Variants in PPARGC1A observed in about 807,000 individuals in gnomAD.
The protein encoded by PPARGC1A is peroxisome proliferator-activated receptor gamma coactivator 1-alpha.
Under a neutral mutation model 88.7 loss-of-function variants are expected in PPARGC1A, and 25 were observed. The observed-to-expected ratio is 0.28, with a 90% CI of 0.21 to 0.39. The LOEUF (loss-of-function observed/expected upper bound fraction) is 0.39. PPARGC1A is among the 10% of genes least tolerant of loss of function. The pLI, the probability that PPARGC1A is intolerant of heterozygous loss-of-function variation, is 1.00. For missense variants in PPARGC1A, 880 were observed against 968.7 expected, an observed-to-expected ratio of 0.91 and a Z score of 1.22; for synonymous variants, 363 against 355.6, an observed-to-expected ratio of 1.02 and a Z score of -0.24.
chr4:24,077,627 GTGT>G, the PPARGC1A span, among the ~76,000 whole-genome samples: 48 of 22,168 alleles, frequency 2.2e-3, no homozygotes, highest in South Asian at 8.4e-3. Flanking sequence ...GTCTAGGGGT[GTGT>G]GTGTGTGTGT....
At chr4:24,161,111 T>A in the PPARGC1A span, among the ~76,000 whole-genome samples, 1 of 152,208 alleles carries the variant, frequency 6.6e-6, no homozygotes, top group East Asian at 1.9e-4. Context: ...TACTGACTGG[T>A]CCTAAATAAG....
chr4:24,439,606 AGCAACT>A, the PPARGC1A span, among the ~76,000 whole-genome samples: 1 of 152,242 alleles, frequency 6.6e-6, no homozygotes, highest in Admixed American at 6.5e-5. Context: ...GGGTACTACC[AGCAACT>A]GCTTTCACGT....
At chr4:23,910,222 A>AATATAGTATATATAATATATATAAAT in the PPARGC1A span, among the ~76,000 whole-genome samples, 1 of 87,858 alleles carries the variant, frequency 1.1e-5, no homozygotes, top group Non-Finnish European at 2.3e-5. Context: ...TATAATATAT[A>AATATAGTATATATAATATATATAAAT]ATATATTATA....
At chr4:23,797,265 A>G (rs1717777065) in intron 12 of PPARGC1A, among the ~76,000 whole-genome samples, 1 of 152,152 alleles carries the variant, frequency 6.6e-6, no homozygotes, top group South Asian at 2.1e-4. Flanking sequence ...ACTGGCTTCA[A>G]CGCTTCTCTT....
In PPARGC1A at chr4:23,796,789, G is replaced by A. The variant is rs61522733; in HGVS notation, c.2294-864C>T. On this transcript the variant is annotated intron_variant, in intron 12 of 12. Coordinates refer to ENST00000264867, the MANE Select transcript of PPARGC1A (RefSeq NM_013261.5). ...ATAATAAAAAGCCTCTTATAAATAC[G>A]TTAATTCTTTTGAAAACATTTATTT... Among the ~76,000 whole-genome samples, 1,206 of 152,036 alleles carry A rather than the reference G, an allele frequency of 7.9e-3. 17 individuals are homozygous for A. Among genetic ancestry groups the A allele is most frequent in the African/African-American group, 0.027 (1,127 of 41,466 alleles).
the PPARGC1A span, among the ~76,000 whole-genome samples, chr4:23,947,788 G>A: frequency 6.6e-6 from 1 of 152,070 alleles, no homozygotes; most frequent in African/African-American, 2.4e-5. Context: ...GTTAGAGCAG[G>A]CTTGCAGAGA....
chr4:23,828,868 C>T (rs1031026309), intron 4 of PPARGC1A, among the ~76,000 whole-genome samples: 3 of 152,130 alleles, frequency 2.0e-5, no homozygotes, highest in African/African-American at 7.2e-5. Flanking sequence ...GACCCTACAG[C>T]GCCTTTATTG....
the PPARGC1A span, among the ~76,000 whole-genome samples, chr4:23,980,917 T>C: frequency 6.6e-6 from 1 of 152,190 alleles, no homozygotes; most frequent in African/African-American, 2.4e-5. Flanking sequence ...GAGGTATGAA[T>C]GCATAAGGTC....
At chr4:24,122,442 G>T in the PPARGC1A span, among the ~76,000 whole-genome samples, 1,668 of 148,426 alleles carry the variant, frequency 0.011, 11 homozygotes, top group Middle Eastern at 0.02. Flanking sequence ...TATATAGAGA[G>T]AGAGAGAGAG....
chr4:24,395,510 T>C, the PPARGC1A span, among the ~76,000 whole-genome samples: 1 of 152,178 alleles, frequency 6.6e-6, no homozygotes, highest in Non-Finnish European at 1.5e-5. Context: ...CTCCATGAGA[T>C]TTTCTGTTCC....
the PPARGC1A span, among the ~76,000 whole-genome samples, chr4:24,429,530 A>C: frequency 2.2e-4 from 33 of 152,290 alleles, no homozygotes; most frequent in African/African-American, 7.5e-4. Context: ...GGGCCAGAGA[A>C]GGGACATTGA....
the PPARGC1A span, among the ~76,000 whole-genome samples, chr4:24,123,225 C>T: frequency 6.6e-6 from 1 of 152,200 alleles, no homozygotes; most frequent in African/African-American, 2.4e-5. Context: ...CATTCAACAA[C>T]CAAGCCAGAA....
the PPARGC1A span, among the ~76,000 whole-genome samples, chr4:24,203,927 G>A: frequency 6.6e-6 from 1 of 152,208 alleles, no homozygotes; most frequent in Non-Finnish European, 1.5e-5. Context: ...AAATTAAGTT[G>A]CTAGCGTAGA....
chr4:23,879,054 A>G (rs1339566164), intron 2 of PPARGC1A, among the ~76,000 whole-genome samples: 3 of 152,226 alleles, frequency 2.0e-5, no homozygotes, highest in African/African-American at 7.2e-5. Flanking sequence ...AATGACAAAC[A>G]TTTATTGATT....
At chr4:24,210,597 C>T in the PPARGC1A span, among the ~76,000 whole-genome samples, 1 of 152,188 alleles carries the variant, frequency 6.6e-6, no homozygotes, top group African/African-American at 2.4e-5. Flanking sequence ...ACTGACCACG[C>T]AGAGGGGCAC....
chr4:24,322,769 G>T, the PPARGC1A span, among the ~76,000 whole-genome samples: 1 of 152,212 alleles, frequency 6.6e-6, no homozygotes, highest in Non-Finnish European at 1.5e-5. Flanking sequence ...TTTTGGGAGA[G>T]TCAGGTTTTT....
chr4:24,223,416 AT>A, the PPARGC1A span, among the ~76,000 whole-genome samples: 2 of 151,946 alleles, frequency 1.3e-5, no homozygotes, highest in East Asian at 3.9e-4. Flanking sequence ...TACCTGGCTA[AT>A]TTTTGTATTT....
chr4:23,871,639 T>C (rs761242937), intron 2 of PPARGC1A, among the ~76,000 whole-genome samples: 7 of 152,082 alleles, frequency 4.6e-5, no homozygotes, highest in South Asian at 2.1e-4. Flanking sequence ...GGAGAGAATC[T>C]GGGTTGGCAA....
chr4:24,087,738 G>C, the PPARGC1A span, among the ~76,000 whole-genome samples: 1 of 152,220 alleles, frequency 6.6e-6, no homozygotes, highest in African/African-American at 2.4e-5. Flanking sequence ...GGCTATGGGG[G>C]ACAGGGGCAT....
Sources: gnomAD v4.1 joint callset for allele counts (sites outside exome capture counted in the v4.1 genomes callset) on GRCh38, gnomAD v4.1.1 for gene constraint, MANE v1.5 for transcripts, NCBI Gene and HGNC (gene_info 2026-07-23, HGNC 2026-07-21) for gene names.